Variants in SLC52A3 observed in about 807,000 individuals in gnomAD.
The protein encoded by SLC52A3 is solute carrier family 52, riboflavin transporter, member 3.
SLC52A3 carries 20 observed loss-of-function variants against 29.5 expected under a neutral mutation model. The observed-to-expected ratio is 0.68, with a 90% CI of 0.48 to 0.99. The LOEUF (loss-of-function observed/expected upper bound fraction) is 0.99. SLC52A3 is among the 50% of genes least tolerant of loss of function. SLC52A3 has a pLI of 0.00. For synonymous variants in SLC52A3, 301 were observed against 271.0 expected, an observed-to-expected ratio of 1.11 and a Z score of -1.09; for missense variants, 548 against 612.9, an observed-to-expected ratio of 0.89 and a Z score of 1.12.
chr20:778,319 A>G (rs1411387429), upstream of SLC52A3, among the ~76,000 whole-genome samples: 1 of 151,562 alleles, frequency 6.6e-6, no homozygotes. Context: ...TGGCCACCAG[A>G]CAGACTTTTA....
rs1986636932 is a variant in SLC52A3, at chr20:765,263, T to C, written c.512A>G (p.Glu171Gly). ...AGGGCTTGGTACGCTGTCTGATATC[T>C]CAGTGACATTGACGCAGGTAGTGAG... ...SGLTTCVNVTEISDSVPSPVP... is the reference protein window; with the variant it reads ...SGLTTCVNVTGISDSVPSPVP... Residue 171 changes from glutamate to glycine, a missense_variant, in exon 2 of 5, where the codon GAG (glutamate) becomes GGG (glycine). Coordinates refer to ENST00000645534, the MANE Select transcript of SLC52A3 (RefSeq NM_033409.4). This position sits in a 1 kb window ranked among gnomAD's most constrained non-coding sequence, Gnocchi z 6.6. The C allele has an allele frequency of 6.2e-7, 1 of 1,613,990 alleles. No individual in the cohort carries two copies.
chr20:765,781 ATCTGCCC>A lies in SLC52A3; in HGVS notation c.-14_-8del. 1.9e-5 allele frequency: 17 copies of A among 873,734 alleles called. No individual in the cohort carries two copies. The highest frequency in any genetic ancestry group is 2.6e-5 in the Non-Finnish European group (16 of 613,958). The allele number at this position is 873,734 out of a possible 1,614,324, so 54.1% of individuals were successfully genotyped here. ...GGTGCATCAGGAAGGCCATGGCGGT[ATCTGCCC>A]TGGGCCAGAGGCTTTCTCAGATCAG... On this transcript the variant is annotated 5_prime_UTR_variant, in exon 2 of 5. Coordinates refer to ENST00000645534, the MANE Select transcript of SLC52A3 (RefSeq NM_033409.4). This position sits in a 1 kb window ranked among gnomAD's most constrained non-coding sequence, Gnocchi z 6.6.
upstream of SLC52A3, among the ~76,000 whole-genome samples, chr20:772,083 T>G (rs1226956296): frequency 1.3e-5 from 2 of 152,210 alleles, no homozygotes; most frequent in African/African-American, 4.8e-5. Flanking sequence ...AATGAGAGTG[T>G]CCAGTTAAAC....
intron 3 of SLC52A3, among the ~76,000 whole-genome samples, chr20:763,055 G>C (rs922752828): frequency 6.6e-6 from 1 of 152,252 alleles, no homozygotes; most frequent in East Asian, 1.9e-4. Context: ...AGGCAGGAAG[G>C]CAGGGCCGAA....
chr20:771,424 T>C (rs1986838018), upstream of SLC52A3, among the ~76,000 whole-genome samples: 1 of 151,966 alleles, frequency 6.6e-6, no homozygotes, highest in African/African-American at 2.4e-5. Flanking sequence ...AAGACTCTTG[T>C]CTCAAAAAAC....
upstream of SLC52A3, among the ~76,000 whole-genome samples, chr20:779,449 C>T (rs1233767738): frequency 6.6e-6 from 1 of 152,130 alleles, no homozygotes; most frequent in Admixed American, 6.5e-5. Context: ...AGATGAAACC[C>T]TGTCTCTACT....
At chr20:762,961 C>A (rs1986540225) in intron 3 of SLC52A3, among the ~76,000 whole-genome samples, 1 of 152,234 alleles carries the variant, frequency 6.6e-6, no homozygotes, top group Non-Finnish European at 1.5e-5. Context: ...AGGTCCCAGT[C>A]TAGGCTGGTT....
rs1233138210 is a variant in SLC52A3 at position 763,486 on chromosome 20, A to T, written c.1073+12T>A. ...CCCCACTAGGATTCCCTAGGACCAG[A>T]TGAGGGCACACCTGTTAGGCAGGAA... On this transcript the variant is annotated intron_variant, in intron 3 of 4. Transcript: ENST00000645534. 6.2e-7 allele frequency: 1 copy of T among 1,613,856 alleles called. No homozygotes were observed.
chr20:762,527 C>G (rs890523317), intron 3 of SLC52A3, among the ~76,000 whole-genome samples: 1 of 152,210 alleles, frequency 6.6e-6, no homozygotes, highest in Non-Finnish European at 1.5e-5. Flanking sequence ...CAAGACTGGT[C>G]CACGCCCTGG....
At chr20:772,032 C>T (rs1349490056), upstream of SLC52A3, among the ~76,000 whole-genome samples, 4 of 152,174 alleles carry the variant, frequency 2.6e-5, no homozygotes, top group African/African-American at 4.8e-5. Context: ...GGCGAATTTG[C>T]AGATGATGGT....
At chr20:768,947 GA>G (rs922830238), upstream of SLC52A3, among the ~76,000 whole-genome samples, 1 of 152,230 alleles carries the variant, frequency 6.6e-6, no homozygotes, top group Non-Finnish European at 1.5e-5. Context: ...CGTCCTCCAG[GA>G]GACCTCTGGC....
At chr20:764,590 C>T (rs967774972) in intron 2 of SLC52A3, among the ~76,000 whole-genome samples, 1 of 152,146 alleles carries the variant, frequency 6.6e-6, no homozygotes, top group African/African-American at 2.4e-5. Flanking sequence ...TCAGGACATG[C>T]CATCCCAAAA....
upstream of SLC52A3, among the ~76,000 whole-genome samples, chr20:771,547 C>T (rs1187374739): frequency 6.6e-6 from 1 of 152,010 alleles, no homozygotes; most frequent in African/African-American, 2.4e-5. Flanking sequence ...CATTTATCTC[C>T]TTTACCACCT....
At chr20:771,911 C>A (rs1336130110), upstream of SLC52A3, among the ~76,000 whole-genome samples, 1 of 152,176 alleles carries the variant, frequency 6.6e-6, no homozygotes, top group Non-Finnish European at 1.5e-5. Flanking sequence ...AGGCCTGACT[C>A]ACCCTTCCAG....
upstream of SLC52A3, among the ~76,000 whole-genome samples, chr20:778,976 C>T (rs1987142038): frequency 6.6e-6 from 1 of 152,078 alleles, no homozygotes; most frequent in African/African-American, 2.4e-5. Context: ...ATAATCTTTG[C>T]TTGTATAATT....
At chr20:772,587 GTT>G (rs11475216), upstream of SLC52A3, among the ~76,000 whole-genome samples, 12,657 of 147,628 alleles carry the variant, frequency 0.086, 574 homozygotes, top group Middle Eastern at 0.11. Flanking sequence ...TGTATTTTCT[GTT>G]TTTTTTTTTT....
Position 765,691 on chromosome 20 carries a change from G to A in SLC52A3, c.84C>T (p.Pro28=), listed in dbSNP as rs1485717256. Residue 28 remains proline (P), a synonymous_variant, in exon 2 of 5, where the codon CCC becomes CCT. Coordinates refer to ENST00000645534, the MANE Select transcript of SLC52A3 (RefSeq NM_033409.4). This position sits in a 1 kb window ranked among gnomAD's most constrained non-coding sequence, Gnocchi z 6.6. ...VTINGLWVEL[P]LLVMELPEGW... is the part of the protein sequence containing the mutation. Reference sequence around the variant, plus strand: ...CCTCGGGCAGCTCCATCACCAGCAGGGGCAGCTCTACCCAGAGCCCATTGA... The same window carrying A: ...CCTCGGGCAGCTCCATCACCAGCAGAGGCAGCTCTACCCAGAGCCCATTGA... The A allele has an allele frequency of 1.2e-6, 2 of 1,613,538 alleles. No homozygotes were observed. The highest frequency in any genetic ancestry group is 2.2e-5 in the South Asian group (2 of 90,936).
upstream of SLC52A3, among the ~76,000 whole-genome samples, chr20:777,272 C>CAA (rs11438035): frequency 0.014 from 2,087 of 147,896 alleles, 32 homozygotes; most frequent in African/African-American, 0.044. Flanking sequence ...AAACAAAAAA[C>CAA]AAAAAAAAAA....
upstream of SLC52A3, among the ~76,000 whole-genome samples, chr20:776,850 C>A (rs544915452): frequency 5.2e-4 from 61 of 117,572 alleles, 1 homozygote; most frequent in African/African-American, 2.1e-3. Flanking sequence ...CAGGCTGAAT[C>A]GCTTTTGGGG....
Sources: allele counts gnomAD v4.1 joint callset (sites outside exome capture counted in the v4.1 genomes callset), GRCh38; gene constraint gnomAD v4.1.1; non-coding constraint Gnocchi (gnomAD v3.1); transcripts MANE v1.5; gene names NCBI Gene and HGNC (gene_info 2026-07-23, HGNC 2026-07-21).